Variants in TIAM1 observed in about 807,000 individuals in gnomAD.
TIAM1 encodes rho guanine nucleotide exchange factor TIAM1.
Under a neutral mutation model 163.5 loss-of-function variants are expected in TIAM1, and 65 were observed. The ratio of observed to expected loss-of-function variants is 0.40; its 90% CI spans 0.33 to 0.49. The LOEUF is 0.49. Among genes scored for constraint, TIAM1 ranks in the 20% least tolerant of loss-of-function variants. The pLI is 0.77. For missense variants in TIAM1, 1,789 were observed against 2,044.7 expected (o/e 0.87, Z 2.41); for synonymous variants, 833 against 810.1 (o/e 1.03, Z -0.48).
chr21:31,401,351 T>A (rs1032534355), intron 2 of TIAM1, among the ~76,000 whole-genome samples: 5 of 152,192 alleles, frequency 3.3e-5, no homozygotes, highest in East Asian at 1.9e-4. Flanking sequence ...CTCATTCTAC[T>A]GTCTAGACCT....
intron 2 of TIAM1, among the ~76,000 whole-genome samples, chr21:31,453,690 G>GTAAGTAAA (rs1569345072): frequency 1.4e-3 from 16 of 11,274 alleles, no homozygotes; most frequent in African/African-American, 5.0e-3. Context: ...TCCATCTCCA[G>GTAAGTAAA]TAAATAAATA....
At chr21:31,387,273 A>T (rs1324986885) in intron 2 of TIAM1, among the ~76,000 whole-genome samples, 1 of 128,908 alleles carries the variant, frequency 7.8e-6, no homozygotes, top group Non-Finnish European at 1.5e-5. Flanking sequence ...TCCAGGCTGG[A>T]GTGCAGTGGT....
At chr21:31,374,914 T>G (rs2076658467) in intron 2 of TIAM1, among the ~76,000 whole-genome samples, 1 of 152,228 alleles carries the variant, frequency 6.6e-6, no homozygotes, top group Non-Finnish European at 1.5e-5. Context: ...AAATTTCTAT[T>G]TTCAACCACT....
chr21:31,165,107 A>G (rs762026186), intron 15 of TIAM1, 42 bp from the exon 16 acceptor site: 2 of 1,598,140 alleles, frequency 1.3e-6, no homozygotes, highest in South Asian at 2.2e-5. Context: ...CAACATGGAC[A>G]GTAATTGCTA....
At chr21:31,484,465 C>T (rs1300239507) in intron 1 of TIAM1, among the ~76,000 whole-genome samples, 2 of 152,172 alleles carry the variant, frequency 1.3e-5, no homozygotes, top group African/African-American at 4.8e-5. Context: ...CTTGCCTCTG[C>T]CTCCGGGGCA....
intron 2 of TIAM1, among the ~76,000 whole-genome samples, chr21:31,336,194 C>G (rs2075832918): frequency 6.6e-6 from 1 of 152,238 alleles, no homozygotes; most frequent in Admixed American, 6.5e-5. Flanking sequence ...CGCACTGACT[C>G]TGCTGGGACA....
chr21:31,239,784 G>A (rs2071072079), intron 6 of TIAM1, among the ~76,000 whole-genome samples: 1 of 152,102 alleles, frequency 6.6e-6, no homozygotes. Flanking sequence ...ATGAATATGT[G>A]CTCAATTTCA....
intron 1 of TIAM1, among the ~76,000 whole-genome samples, chr21:31,534,993 G>A (rs1219546806): frequency 1.3e-5 from 2 of 151,960 alleles, no homozygotes; most frequent in Non-Finnish European, 2.9e-5. Flanking sequence ...GGGAAGCTGA[G>A]GTGAGAGGAT....
chr21:31,308,431 T>A (rs1037317566), intron 2 of TIAM1, among the ~76,000 whole-genome samples: 7 of 150,824 alleles, frequency 4.6e-5, no homozygotes, highest in Non-Finnish European at 1.0e-4. Flanking sequence ...ATATTTAATA[T>A]TTAACCTGTA....
chr21:31,470,891 C>T (rs1234165279), intron 1 of TIAM1, among the ~76,000 whole-genome samples: 1 of 152,102 alleles, frequency 6.6e-6, no homozygotes, highest in African/African-American at 2.4e-5. Context: ...GGGAGCTGGG[C>T]TGGAGGAAGG....
chr21:31,382,558 A>G (rs945275994), intron 2 of TIAM1, among the ~76,000 whole-genome samples: 3 of 152,216 alleles, frequency 2.0e-5, no homozygotes, highest in Admixed American at 6.5e-5. Context: ...TTTTTTCCGA[A>G]AGACTGACTA....
At chr21:31,310,057 A>G (rs1444299431) in intron 2 of TIAM1, among the ~76,000 whole-genome samples, 1 of 152,212 alleles carries the variant, frequency 6.6e-6, no homozygotes, top group Non-Finnish European at 1.5e-5. Flanking sequence ...TAAATACCCA[A>G]CAGTGGCAGA....
At chr21:31,275,555 T>C (rs1303410741) in intron 3 of TIAM1, among the ~76,000 whole-genome samples, 6 of 152,238 alleles carry the variant, frequency 3.9e-5, no homozygotes, top group African/African-American at 1.2e-4. Context: ...ATTGTATCTA[T>C]GGCAGCGTTA....
intron 2 of TIAM1, among the ~76,000 whole-genome samples, chr21:31,386,217 C>A (rs1434456752): frequency 6.6e-6 from 1 of 152,048 alleles, no homozygotes; most frequent in South Asian, 2.1e-4. Flanking sequence ...GGGCCCGCAG[C>A]CCTGGCACGG....
intron 4 of TIAM1, among the ~76,000 whole-genome samples, chr21:31,256,936 G>A (rs2072146164): frequency 6.6e-6 from 1 of 152,110 alleles, no homozygotes; most frequent in Admixed American, 6.6e-5. Context: ...TTGGCCCAAG[G>A]AGAGAAGGCA....
chr21:31,439,750 G>A (rs748631379), intron 2 of TIAM1, among the ~76,000 whole-genome samples: 32 of 152,234 alleles, frequency 2.1e-4, no homozygotes, highest in South Asian at 1.9e-3. Flanking sequence ...TACTTTACCC[G>A]CATCCTCAAA....
chr21:31,126,200 G>A (rs1204377084), intron 26 of TIAM1, among the ~76,000 whole-genome samples: 2 of 152,052 alleles, frequency 1.3e-5, no homozygotes, highest in Non-Finnish European at 2.9e-5. Context: ...GTCTTTTGTA[G>A]GTAATCCATA....
intron 1 of TIAM1, among the ~76,000 whole-genome samples, chr21:31,526,668 A>G (rs1411406893): frequency 6.6e-6 from 1 of 152,054 alleles, no homozygotes; most frequent in Non-Finnish European, 1.5e-5. Context: ...TCATATATCT[A>G]TGGGAATCTC....
chr21:31,260,061 G>A (rs995601528), intron 4 of TIAM1, among the ~76,000 whole-genome samples: 30 of 148,994 alleles, frequency 2.0e-4, no homozygotes, highest in African/African-American at 6.9e-4. Flanking sequence ...TCTCAGTCTT[G>A]CAAGTAGCTG....
Sources: gnomAD v4.1 joint callset for allele counts (sites outside exome capture counted in the v4.1 genomes callset) on GRCh38, gnomAD v4.1.1 for gene constraint, MANE v1.5 for transcripts, NCBI Gene and HGNC (gene_info 2026-07-23, HGNC 2026-07-21) for gene names.